The following TRIO variants were observed in gnomAD, a reference collection of about 807,000 sequenced individuals.
TRIO encodes the protein trio Rho guanine nucleotide exchange factor.
Under a neutral mutation model 351.9 loss-of-function variants are expected in TRIO, and 58 were observed. The ratio of observed to expected loss-of-function variants is 0.16; its 90% confidence interval spans 0.13 to 0.21. The LOEUF is 0.21. Ranked by LOEUF, TRIO falls within the 10% of genes least tolerant of loss-of-function variation. The pLI is 1.00. For missense variants in TRIO, 3,201 were observed against 4,027.8 expected (o/e 0.79, Z 5.56); for synonymous variants, 1,758 against 1,595.7 (o/e 1.10, Z -2.42).
intron 8 of TRIO, among the ~76,000 whole-genome samples, chr5:14,311,064 A>G (rs923210446): frequency 6.6e-6 from 1 of 152,218 alleles, no homozygotes; most frequent in African/African-American, 2.4e-5. Context: ...TGTAGTCAGC[A>G]TCTGCCATAG....
At chr5:14,455,930 G>A (rs572394687) in intron 34 of TRIO, among the ~76,000 whole-genome samples, 1 of 152,378 alleles carries the variant, frequency 6.6e-6, no homozygotes, top group Non-Finnish European at 1.5e-5. Flanking sequence ...GGGACCGGGC[G>A]CTGCGGAGGC....
In TRIO at chr5:14,276,323, G is replaced by T. The variant is rs896280292; in HGVS notation, c.233-3999G>T. On this transcript the variant is annotated intron_variant, in intron 2 of 56. Coordinates refer to ENST00000344204, the MANE Select transcript of TRIO (RefSeq NM_007118.4). ...ACTGGCGGGACTTTTCATGCAGGCTGCCGAGTCTTCTCAGCCTTCAGTAGA... is the reference window on the plus strand; with the variant it reads ...ACTGGCGGGACTTTTCATGCAGGCTTCCGAGTCTTCTCAGCCTTCAGTAGA... Among the ~76,000 whole-genome samples the T allele has an allele frequency of 1.1e-4, 17 of 152,328 alleles. No individual in the cohort carries two copies. The South Asian group carries it at 3.1e-3, about 28-fold the overall frequency.
rs1318970517 is a variant in TRIO, at chr5:14,290,847, T to C, written c.672T>C (p.Ile224=). 1.2e-6 allele frequency: 2 copies of C among 1,614,126 alleles called. No homozygotes were observed. The highest frequency in any genetic ancestry group is 3.3e-5 in the Admixed American group (2 of 60,022). Residue 224 remains isoleucine (I), a synonymous_variant, in exon 5 of 57, where the codon ATT becomes ATC. Transcript: ENST00000344204. ...IEIRVAFEDY[I]SNATHMLSRL... ...TCAGAGTTGCTTTTGAAGACTACAT[T>C]AGCAATGCCACCCACATGCTGTCTC...
At chr5:14,325,177 T>A (rs1740256162) in intron 9 of TRIO, among the ~76,000 whole-genome samples, 1 of 152,240 alleles carries the variant, frequency 6.6e-6, no homozygotes, top group Admixed American at 6.5e-5. Flanking sequence ...GGTTTTCACA[T>A]CGTATGTTGT....
intron 1 of TRIO, among the ~76,000 whole-genome samples, chr5:14,224,914 A>G (rs1581389630): frequency 6.6e-6 from 1 of 152,256 alleles, no homozygotes; most frequent in South Asian, 2.1e-4. Flanking sequence ...TTAGTATCAC[A>G]TGTAAAAATT....
At chr5:14,247,635 C>G (rs1353076310) in intron 1 of TRIO, among the ~76,000 whole-genome samples, 1 of 152,104 alleles carries the variant, frequency 6.6e-6, no homozygotes. Context: ...TTATATTGCA[C>G]TTAAAATAGG....
chr5:14,375,429 A>C (rs992440991), intron 19 of TRIO, among the ~76,000 whole-genome samples: 1 of 152,196 alleles, frequency 6.6e-6, no homozygotes, highest in African/African-American at 2.4e-5. Flanking sequence ...TTTGTGTGAG[A>C]GGGAGACTGT....
In TRIO at chr5:14,321,576, C is replaced by T. The variant is rs187923836; in HGVS notation, c.1731+4833C>T. 3.8e-4 allele frequency among the ~76,000 whole-genome samples: 58 copies of T among 152,294 alleles called. 1 individual carries two copies. Among genetic ancestry groups the T allele is most frequent in the Admixed American group, 6.5e-4 (10 of 15,306 alleles). On this transcript the variant is annotated intron_variant, in intron 9 of 56. Transcript: ENST00000344204. Reference sequence around the variant, plus strand: ...ATTTCACCTCATAGAGTTCAAAGCCCGAAGGATCTCCTATTCTGTGCCTTT... The same window carrying T: ...ATTTCACCTCATAGAGTTCAAAGCCTGAAGGATCTCCTATTCTGTGCCTTT...
intron 37 of TRIO, among the ~76,000 whole-genome samples, chr5:14,466,703 G>A (rs934677153): frequency 2.0e-5 from 3 of 152,180 alleles, no homozygotes; most frequent in Non-Finnish European, 4.4e-5. Flanking sequence ...TAACCACTGC[G>A]AATAGTTCTG....
chr5:14,259,113 G>T (rs1795195588), intron 1 of TRIO, among the ~76,000 whole-genome samples: 1 of 152,206 alleles, frequency 6.6e-6, no homozygotes, highest in Non-Finnish European at 1.5e-5. Context: ...GGTCCTGGAG[G>T]GTCCTCACGC....
At chr5:14,377,595 C>T (rs1745677076) in intron 19 of TRIO, among the ~76,000 whole-genome samples, 1 of 152,056 alleles carries the variant, frequency 6.6e-6, no homozygotes, top group Non-Finnish European at 1.5e-5. Flanking sequence ...TATTACTCCA[C>T]TATTTTGACA....
At chr5:14,159,712 G>A (rs897884993) in intron 1 of TRIO, among the ~76,000 whole-genome samples, 2 of 151,994 alleles carry the variant, frequency 1.3e-5, no homozygotes, top group East Asian at 1.9e-4. Flanking sequence ...ACAGGCATGC[G>A]CCACCACACC....
chr5:14,414,376 T>C (rs1225695898), intron 33 of TRIO, among the ~76,000 whole-genome samples: 2 of 152,216 alleles, frequency 1.3e-5, no homozygotes, highest in African/African-American at 4.8e-5. Context: ...TTTTTAGTTG[T>C]ATCTTTTAAA....
intron 15 of TRIO, among the ~76,000 whole-genome samples, chr5:14,366,256 A>T (rs570386383): frequency 6.6e-6 from 1 of 152,146 alleles, no homozygotes. Context: ...TCACTGCCAC[A>T]CCTTACTATC....
At chr5:14,417,056 G>C (rs1410173243) in intron 33 of TRIO, among the ~76,000 whole-genome samples, 2 of 152,204 alleles carry the variant, frequency 1.3e-5, no homozygotes, top group African/African-American at 4.8e-5. Context: ...CTGTGTTCCC[G>C]GAACAGGAAG....
chr5:14,283,343 G>A (rs1300064912), intron 3 of TRIO, among the ~76,000 whole-genome samples: 1 of 152,208 alleles, frequency 6.6e-6, no homozygotes, highest in African/African-American at 2.4e-5. Flanking sequence ...CAGTTAGACA[G>A]TCACAGGGCT....
chr5:14,347,707 T>A (rs1430074254), intron 11 of TRIO, among the ~76,000 whole-genome samples: 1 of 152,156 alleles, frequency 6.6e-6, no homozygotes, highest in Non-Finnish European at 1.5e-5. Context: ...GGTTGGTGAG[T>A]GGATGACGTC....
intron 34 of TRIO, among the ~76,000 whole-genome samples, chr5:14,421,489 A>G (rs1363332948): frequency 6.6e-6 from 1 of 151,456 alleles, no homozygotes; most frequent in Non-Finnish European, 1.5e-5. Flanking sequence ...CTGTAATCCC[A>G]GCTACTCGAG....
At chr5:14,296,537 G>A (rs981603029) in intron 6 of TRIO, among the ~76,000 whole-genome samples, 2 of 152,346 alleles carry the variant, frequency 1.3e-5, no homozygotes, top group South Asian at 4.1e-4. Context: ...ATATTCCTGG[G>A]AGAAGGTGGA....
Sources: gnomAD v4.1 joint callset for allele counts (sites outside exome capture counted in the v4.1 genomes callset) on GRCh38, gnomAD v4.1.1 for gene constraint, MANE v1.5 for transcripts, NCBI Gene and HGNC (gene_info 2026-07-23, HGNC 2026-07-21) for gene names.